The following ANKFN1 variants were observed in gnomAD, a reference collection of about 807,000 sequenced individuals.
The protein encoded by ANKFN1 is ankyrin repeat and fibronectin type-III domain-containing protein 1.
Under a neutral mutation model 108.7 loss-of-function variants are expected in ANKFN1, and 74 were observed. That is an observed-to-expected ratio of 0.68 (90% CI 0.56 to 0.83). The LOEUF is 0.83. Among genes scored for constraint, ANKFN1 ranks in the 40% least tolerant of loss-of-function variants. The pLI is 0.00. For synonymous variants in ANKFN1, 547 were observed against 516.2 expected (o/e 1.06, Z -0.81); for missense variants, 1,505 against 1,382.3 (o/e 1.09, Z -1.41).
At chr17:56,102,080 A>G (rs1266858402) in intron 4 of ANKFN1, among the ~76,000 whole-genome samples, 1 of 152,238 alleles carries the variant, frequency 6.6e-6, no homozygotes, top group African/African-American at 2.4e-5. Flanking sequence ...ACCCACCTCC[A>G]ACGCTTGGGA....
chr17:56,364,894 T>A (rs899603237), intron 6 of ANKFN1, among the ~76,000 whole-genome samples: 2 of 152,216 alleles, frequency 1.3e-5, no homozygotes, highest in Non-Finnish European at 2.9e-5. Flanking sequence ...CACATCTCAA[T>A]GTCCTTGGGA....
At chr17:56,327,102 G>C (rs183438035) in intron 4 of ANKFN1, among the ~76,000 whole-genome samples, 28 of 152,248 alleles carry the variant, frequency 1.8e-4, no homozygotes, top group African/African-American at 6.7e-4. Context: ...CGGCCATCAG[G>C]AGCTCCACTG....
At chr17:56,472,078 G>A (rs1042235702) in intron 15 of ANKFN1, 13 of 152,190 alleles carry the variant, frequency 8.5e-5, no homozygotes, top group African/African-American at 3.1e-4. Flanking sequence ...AGAAACAAGT[G>A]TAAGTAAAAG....
At chr17:56,272,551 C>A (rs781077781) in intron 3 of ANKFN1, among the ~76,000 whole-genome samples, 9 of 152,076 alleles carry the variant, frequency 5.9e-5, no homozygotes, top group Non-Finnish European at 1.2e-4. Flanking sequence ...TATGTATATA[C>A]CATATTTTGT....
At chr17:56,428,865 C>CT (rs527417362) in intron 8 of ANKFN1, among the ~76,000 whole-genome samples, 2,585 of 132,390 alleles carry the variant, frequency 0.02, 61 homozygotes, top group East Asian at 0.1. Flanking sequence ...ACAAAAAGTG[C>CT]TTTTTTTTTT....
chr17:56,480,840 A>G, intron 17 of ANKFN1, 22 bp downstream of exon 17: 1 of 1,606,688 alleles, frequency 6.2e-7, no homozygotes, highest in Non-Finnish European at 8.5e-7. Context: ...TACCATTTTT[A>G]TCTTCTTTTT....
intron 4 of ANKFN1, among the ~76,000 whole-genome samples, chr17:56,342,888 G>A (rs962645857): frequency 1.3e-5 from 2 of 152,048 alleles, no homozygotes; most frequent in Admixed American, 6.6e-5. Context: ...TCAGTGGGGT[G>A]TTAGAGTCTC....
chr17:56,451,966 G>A (rs771542170), intron 11 of ANKFN1, among the ~76,000 whole-genome samples: 1 of 152,114 alleles, frequency 6.6e-6, no homozygotes, highest in Non-Finnish European at 1.5e-5. Context: ...CTGCATTTTG[G>A]CTAAAGAACT....
chr17:56,241,835 C>T (rs1204876254), intron 3 of ANKFN1, among the ~76,000 whole-genome samples: 2 of 151,984 alleles, frequency 1.3e-5, no homozygotes, highest in Non-Finnish European at 2.9e-5. Flanking sequence ...ATAAGCACTG[C>T]AATACCATGG....
At chr17:56,241,636 C>A (rs550393306) in intron 3 of ANKFN1, among the ~76,000 whole-genome samples, 6 of 152,000 alleles carry the variant, frequency 3.9e-5, no homozygotes, top group African/African-American at 1.2e-4. Flanking sequence ...GCAAAAAGTA[C>A]CAAAACCCAT....
At chr17:56,073,344 G>C (rs117802432) in intron 4 of ANKFN1, among the ~76,000 whole-genome samples, 4,959 of 152,202 alleles carry the variant, frequency 0.033, 91 homozygotes, top group Middle Eastern at 0.082. Flanking sequence ...CAAACACATC[G>C]AAACATTGAC....
At chr17:56,433,064 TAA>T (rs1396360123) in intron 8 of ANKFN1, among the ~76,000 whole-genome samples, 3 of 152,338 alleles carry the variant, frequency 2.0e-5, no homozygotes, top group South Asian at 2.1e-4. Flanking sequence ...TATATGCATA[TAA>T]GTCTATTGTA....
chr17:56,234,343 G>GT lies in ANKFN1; in HGVS notation c.53+6397dup, dbSNP rs78208220. 2.5e-3 allele frequency among the ~76,000 whole-genome samples: 370 copies of GT among 147,558 alleles called. 2 individuals are homozygous for GT. Among genetic ancestry groups the GT allele is most frequent in the Middle Eastern group, 0.014 (4 of 280 alleles). Reference sequence around the variant, plus strand: ...GTTTTTAGCATTTATTTCCTTTGGGGTTTTTTTTTTTAGCTTTTATTTTAG... The same window carrying GT: ...GTTTTTAGCATTTATTTCCTTTGGGGTTTTTTTTTTTTAGCTTTTATTTTAG... On this transcript the variant is annotated intron_variant, in intron 3 of 20. Coordinates refer to ENST00000682825, the MANE Select transcript of ANKFN1 (RefSeq NM_001370326.1).
intron 4 of ANKFN1, among the ~76,000 whole-genome samples, chr17:56,102,200 C>T (rs931450101): frequency 9.2e-5 from 14 of 152,164 alleles, no homozygotes; most frequent in African/African-American, 3.4e-4. Flanking sequence ...TCGCCCCCTG[C>T]CCTGCAGTCA....
chr17:56,056,295 A>G (rs750261689), intron 4 of ANKFN1, among the ~76,000 whole-genome samples: 37 of 151,234 alleles, frequency 2.4e-4, no homozygotes, highest in Non-Finnish European at 4.9e-4. Context: ...TACTAATGTC[A>G]TTTCTTATAG....
At chr17:56,190,440 A>G (rs1361225974) in intron 1 of ANKFN1, among the ~76,000 whole-genome samples, 9 of 128,196 alleles carry the variant, frequency 7.0e-5, no homozygotes, top group African/African-American at 2.8e-4. Context: ...TTCAAAGAAC[A>G]TCTTTATTTC....
intron 3 of ANKFN1, among the ~76,000 whole-genome samples, chr17:56,261,581 G>T (rs1020013044): frequency 6.6e-6 from 1 of 151,816 alleles, no homozygotes; most frequent in African/African-American, 2.4e-5. Flanking sequence ...AGCCAACAGT[G>T]CAGCCTCCAG....
chr17:56,331,686 G>A (rs1476750859), intron 4 of ANKFN1, among the ~76,000 whole-genome samples: 1 of 152,178 alleles, frequency 6.6e-6, no homozygotes, highest in Non-Finnish European at 1.5e-5. Context: ...TCTTGGACAG[G>A]TTAGCTAACC....
intron 3 of ANKFN1, among the ~76,000 whole-genome samples, chr17:56,284,771 G>A (rs1375439782): frequency 1.3e-5 from 2 of 152,158 alleles, no homozygotes; most frequent in Non-Finnish European, 2.9e-5. Context: ...CAGGGGTTTA[G>A]GAGTGTCGAC....
Sources: allele counts gnomAD v4.1 joint callset (sites outside exome capture counted in the v4.1 genomes callset), GRCh38; gene constraint gnomAD v4.1.1; transcripts MANE v1.5; gene names NCBI Gene and HGNC (gene_info 2026-07-23, HGNC 2026-07-21).